Variants in ARL6IP6 observed in about 807,000 individuals in gnomAD.
ARL6IP6 encodes ADP-ribosylation factor-like protein 6-interacting protein 6.
In ARL6IP6, 22 loss-of-function variants were observed where a neutral mutation model predicts 21.5. That is an observed-to-expected ratio of 1.02 (90% CI 0.73 to 1.46). The LOEUF is 1.46. ARL6IP6 is among the 40% of genes most tolerant of loss of function. The probability of loss-of-function intolerance (pLI) is 0.00; values close to 1 mark genes in which losing one functional copy is unlikely to be tolerated. For missense variants in ARL6IP6, 388 were observed against 299.8 expected, an observed-to-expected ratio of 1.29 and a Z score of -2.17; for synonymous variants, 164 against 125.3, an observed-to-expected ratio of 1.31 and a Z score of -2.06.
chr2:152,727,192 C>G (rs1700087056), intron 2 of ARL6IP6, among the ~76,000 whole-genome samples: 1 of 151,930 alleles, frequency 6.6e-6, no homozygotes, highest in Admixed American at 6.6e-5. Context: ...TTACCTTGAC[C>G]CTATGTAGGC....
intron 3 of ARL6IP6, among the ~76,000 whole-genome samples, chr2:152,753,731 G>A (rs1436083925): frequency 4.7e-5 from 6 of 127,602 alleles, no homozygotes; most frequent in African/African-American, 1.5e-4. Flanking sequence ...ACGGAGTCTC[G>A]CTCTGTTGCC....
chr2:152,722,136 A>T (rs1308581345), intron 2 of ARL6IP6, among the ~76,000 whole-genome samples: 1 of 152,238 alleles, frequency 6.6e-6, no homozygotes, highest in Non-Finnish European at 1.5e-5. Flanking sequence ...TGGCTTGCTC[A>T]ATATCAAAAG....
At chr2:152,752,267 C>G (rs1425571012) in intron 3 of ARL6IP6, among the ~76,000 whole-genome samples, 2 of 152,072 alleles carry the variant, frequency 1.3e-5, no homozygotes, top group Admixed American at 1.3e-4. Context: ...AAGTCATGAC[C>G]TGCAATAATA....
At chr2:152,721,055 C>G (rs1207465437) in intron 2 of ARL6IP6, among the ~76,000 whole-genome samples, 1 of 152,138 alleles carries the variant, frequency 6.6e-6, no homozygotes, top group Non-Finnish European at 1.5e-5. Context: ...GATAGTTACA[C>G]TGCACTCCAG....
rs1377386585 is a variant in ARL6IP6 at position 152,762,305 on chromosome 2, T to C, written c.*2465T>C. ...TAAGGCTGATAACGGATATTGCTAA[T>C]GGCGTTACCCTGGTCCCTGAAGCCC... On this transcript the variant is annotated 3_prime_UTR_variant, in exon 4 of 4. Coordinates refer to ENST00000326446, the MANE Select transcript of ARL6IP6 (RefSeq NM_152522.7). Among the ~76,000 whole-genome samples the C allele has an allele frequency of 6.6e-6, 1 of 152,242 alleles. No individual in the cohort carries two copies. The highest frequency in any genetic ancestry group is 1.5e-5 in the Non-Finnish European group (1 of 68,034).
At chr2:152,743,101 A>AATCTGTTCTAAACATC in intron 3 of ARL6IP6, among the ~76,000 whole-genome samples, 1 of 152,288 alleles carries the variant, frequency 6.6e-6, no homozygotes, top group East Asian at 1.9e-4. Flanking sequence ...GCTAAATCAA[A>AATCTGTTCTAAACATC]AGACTTTCTC....
At chr2:152,749,503 T>A (rs1179834981) in intron 3 of ARL6IP6, among the ~76,000 whole-genome samples, 1 of 152,186 alleles carries the variant, frequency 6.6e-6, no homozygotes, top group Non-Finnish European at 1.5e-5. Flanking sequence ...TCAGAAGAAT[T>A]TTTAAAAATC....
Position 152,719,015 on chromosome 2 carries a change from A to G in ARL6IP6, c.391A>G (p.Ile131Val). 6.4e-7 allele frequency: 1 copy of G among 1,569,066 alleles called. No individual in the cohort carries two copies. The highest frequency in any genetic ancestry group is 8.7e-7 in the Non-Finnish European group (1 of 1,155,612). ...CTTCCTCCTCGCCATCGCCTACTTG[A>G]TCGTTAAAGGTATTGAAGCCGACGC... ...LAFLLAIAYL[I>V]VKELHAENLK... The change falls in exon 1 of 4, where the codon ATC becomes GTC. Residue 131 changes from isoleucine (I) to valine (V), a missense_variant. By Grantham distance (29) the Ile-to-Val change is conservative (BLOSUM62 3). Coordinates refer to ENST00000326446, the MANE Select transcript of ARL6IP6 (RefSeq NM_152522.7).
In ARL6IP6 at chr2:152,718,683, C is replaced by T. The variant is rs767438440; in HGVS notation, c.59C>T (p.Pro20Leu). 10 of 1,590,518 alleles carry T rather than the reference C, an allele frequency of 6.3e-6. No homozygotes were observed. The South Asian group carries it at 1.0e-4, about 16-fold the overall frequency. Residue 20 changes from proline to leucine, a missense_variant, in exon 1 of 4, where the codon CCG (proline) becomes CTG (leucine). Physicochemically the swap from Pro to Leu is moderately conservative, Grantham distance 98 (BLOSUM62 -3). Coordinates refer to ENST00000326446, the MANE Select transcript of ARL6IP6 (RefSeq NM_152522.7). ...SALRRRGPGT[P>L]GPVARPSYSS... Reference sequence around the variant, plus strand: ...CTGCGGCGCCGCGGTCCCGGCACCCCGGGCCCTGTGGCTCGGCCATCGTAT... The same window carrying T: ...CTGCGGCGCCGCGGTCCCGGCACCCTGGGCCCTGTGGCTCGGCCATCGTAT...
chr2:152,744,110 G>A (rs567355064), intron 3 of ARL6IP6, among the ~76,000 whole-genome samples: 1 of 151,988 alleles, frequency 6.6e-6, no homozygotes, highest in Non-Finnish European at 1.5e-5. Flanking sequence ...TAATGACCTC[G>A]AACATCTATG....
chr2:152,724,984 C>T (rs769653770), intron 2 of ARL6IP6, among the ~76,000 whole-genome samples: 8 of 152,038 alleles, frequency 5.3e-5, no homozygotes, highest in Admixed American at 1.3e-4. Flanking sequence ...TCTACTGAAT[C>T]GAAGTAACTT....
At chr2:152,757,994 A>G (rs895235087) in intron 3 of ARL6IP6, among the ~76,000 whole-genome samples, 22 of 151,522 alleles carry the variant, frequency 1.5e-4, no homozygotes, top group African/African-American at 4.7e-4. Context: ...CTAAAACAGA[A>G]CAATTAACTC....
At chr2:152,726,653 C>T (rs935855812) in intron 2 of ARL6IP6, among the ~76,000 whole-genome samples, 1 of 152,152 alleles carries the variant, frequency 6.6e-6, no homozygotes, top group Non-Finnish European at 1.5e-5. Flanking sequence ...TTATTAGTAG[C>T]CAGCTGGTAA....
rs1699518284 is a variant in ARL6IP6, at chr2:152,719,039, G to A, written c.400+15G>A. On this transcript the variant is annotated intron_variant, in intron 1 of 3. Transcript: ENST00000326446. Reference sequence around the variant, plus strand: ...GATCGTTAAAGGTATTGAAGCCGACGCCTTGAAAGTCTGTCCAGAGTAAAG... The same window carrying A: ...GATCGTTAAAGGTATTGAAGCCGACACCTTGAAAGTCTGTCCAGAGTAAAG... 2 of 1,521,292 alleles carry A rather than the reference G, an allele frequency of 1.3e-6. No individual in the cohort carries two copies. The highest frequency in any genetic ancestry group is 1.8e-6 in the Non-Finnish European group (2 of 1,134,750). 94.2% of individuals were successfully genotyped at this position (1,521,292 alleles called of 1,614,324 possible).
Position 152,736,942 on chromosome 2 carries a change from G to C in ARL6IP6, c.587+1816G>C, listed in dbSNP as rs145898094. Among the ~76,000 whole-genome samples, 890 of 152,208 alleles carry C rather than the reference G, an allele frequency of 5.8e-3. 6 individuals are homozygous for C. The highest frequency in any genetic ancestry group is 0.021 in the African/African-American group (851 of 41,500). On this transcript the variant is annotated intron_variant, in intron 3 of 3. Coordinates refer to ENST00000326446, the MANE Select transcript of ARL6IP6 (RefSeq NM_152522.7). Reference sequence around the variant, plus strand: ...GATTTTGGTGTTTGTGGGAATCCTGGAACCAATCTCCCAGTGGATACCAAG... The same window carrying C: ...GATTTTGGTGTTTGTGGGAATCCTGCAACCAATCTCCCAGTGGATACCAAG...
chr2:152,725,519 T>A (rs1274642077), intron 2 of ARL6IP6, among the ~76,000 whole-genome samples: 5 of 152,188 alleles, frequency 3.3e-5, no homozygotes, highest in African/African-American at 1.2e-4. Flanking sequence ...ACCATTTGAA[T>A]TGTTTGTAAT....
chr2:152,754,248 A>C (rs900681617), intron 3 of ARL6IP6, among the ~76,000 whole-genome samples: 4 of 152,046 alleles, frequency 2.6e-5, no homozygotes, highest in African/African-American at 9.7e-5. Context: ...CTGGAAACCC[A>C]TAGTCTACTT....
chr2:152,725,987 T>G (rs1700028981), intron 2 of ARL6IP6, among the ~76,000 whole-genome samples: 1 of 152,226 alleles, frequency 6.6e-6, no homozygotes, highest in Non-Finnish European at 1.5e-5. Context: ...ATGACTGTTT[T>G]CCCTGTTATA....
chr2:152,762,285 C>A lies in ARL6IP6; in HGVS notation c.*2445C>A, dbSNP rs1257294095. ...CCAGGCTCAGTGGGAAAGAATAAGG[C>A]TGATAACGGATATTGCTAATGGCGT... On this transcript the variant is annotated 3_prime_UTR_variant, in exon 4 of 4. Coordinates refer to ENST00000326446, the MANE Select transcript of ARL6IP6 (RefSeq NM_152522.7). Among the ~76,000 whole-genome samples the A allele has an allele frequency of 6.6e-6, 1 of 152,210 alleles. No individual in the cohort carries two copies. Among genetic ancestry groups the A allele is most frequent in the Non-Finnish European group, 1.5e-5 (1 of 68,038 alleles).
Sources: allele counts gnomAD v4.1 joint callset (sites outside exome capture counted in the v4.1 genomes callset), GRCh38; gene constraint gnomAD v4.1.1; transcripts MANE v1.5; gene names NCBI Gene and HGNC (gene_info 2026-07-23, HGNC 2026-07-21).